Variants in CNN2 observed in about 807,000 individuals in gnomAD.
CNN2 encodes the protein calponin-2.
A neutral mutation model predicts 31.0 loss-of-function variants in CNN2; 21 were observed. The observed-to-expected ratio is 0.68, with a 90% CI of 0.48 to 0.98. The LOEUF (loss-of-function observed/expected upper bound fraction) is 0.98, where lower values mean the gene tolerates loss of function less well. CNN2 is among the 50% of genes least tolerant of loss of function. The pLI is 0.00. For missense variants in CNN2, 399 were observed against 427.3 expected, an observed-to-expected ratio of 0.93 and a Z score of 0.58; for synonymous variants, 165 against 179.6, an observed-to-expected ratio of 0.92 and a Z score of 0.65.
intron 4 of CNN2, among the ~76,000 whole-genome samples, chr19:1,033,674 G>GTA (rs2039538318): frequency 7.6e-6 from 1 of 132,126 alleles, no homozygotes; most frequent in Non-Finnish European, 1.7e-5. Flanking sequence ...TGTAGACCGG[G>GTA]AGCGTGGGTG....
At position 1,037,791 on chromosome 19, in the gene CNN2, G is replaced by A. The variant is rs768158829; in HGVS notation, c.821G>A (p.Cys274Tyr). The A allele has an allele frequency of 1.2e-6, 2 of 1,611,416 alleles. No homozygotes were observed. The highest frequency in any genetic ancestry group is 4.5e-5 in the East Asian group (2 of 44,882). Residue 274 changes from cysteine to tyrosine, a missense_variant, in exon 7 of 7, where the codon TGC (cysteine) becomes TAC (tyrosine). Cys to Tyr is a radical substitution (Grantham distance 194). Coordinates refer to ENST00000263097, the MANE Select transcript of CNN2 (RefSeq NM_004368.4). The stretch of plus-strand genomic sequence containing the variant: ...CGGCAGATATATGACCCCAAGTACT[G>A]CCCGCAAGGCACAGTGGCCGATGGG... ...LGRQIYDPKY[C>Y]PQGTVADGAP... is the part of the protein sequence containing the mutation.
Position 1,038,287 on chromosome 19 carries a change from AG to A in CNN2, c.*389del, listed in dbSNP as rs550343260. 38 of 196,032 alleles carry A rather than the reference AG, an allele frequency of 1.9e-4. No individual in the cohort carries two copies. The East Asian group carries it at 4.2e-3, about 22-fold the overall frequency. The allele number at this position is 196,032 out of a possible 1,614,324, so 12.1% of individuals were successfully genotyped here. A position where few individuals can be genotyped will look rare whatever the true frequency, so the allele number is the denominator to read the frequency against. On this transcript the variant is annotated 3_prime_UTR_variant, in exon 7 of 7. Coordinates refer to ENST00000263097, the MANE Select transcript of CNN2 (RefSeq NM_004368.4). ...TGTGGTTTCTATGCCCGCAAGTTTC[AG>A]GAAGTATTCACAAAAGAAAAATACA... is the stretch of plus-strand genomic sequence containing the variant.
chr19:1,027,042 C>G (rs867336157), intron 1 of CNN2: 56 of 295,770 alleles, frequency 1.9e-4, no homozygotes, highest in African/African-American at 1.1e-3. Context: ...AAGCCCCTGG[C>G]GCCCACTCAA....
At chr19:1,036,369 G>A (rs1249649600) in intron 5 of CNN2, 47 bp from the exon 6 acceptor site, 1 of 1,600,530 alleles carries the variant, frequency 6.2e-7, no homozygotes, top group Non-Finnish European at 8.5e-7. Context: ...GGAGGGACCG[G>A]AAGCTTGTTG....
intron 1 of CNN2, 45 bp downstream of exon 1, chr19:1,026,769 C>T: frequency 1.3e-6 from 2 of 1,531,210 alleles, no homozygotes; most frequent in Non-Finnish European, 1.8e-6. Flanking sequence ...GCGGCCGTCG[C>T]ACGCTCCGAC....
At position 1,032,334 on chromosome 19, in the gene CNN2, C is replaced by G. The variant is rs777261130; in HGVS notation, c.186-58C>G. The G allele has an allele frequency of 1.2e-4, 189 of 1,601,544 alleles. 1 individual carries two copies. The highest frequency in any genetic ancestry group is 1.4e-4 in the Non-Finnish European group (169 of 1,171,272). ...GGCTGAGATCAGCATCGGGTCTTCA[C>G]GGTTCCTCGCTGCTCACAGAGGTTT... On this transcript the variant is annotated intron_variant, in intron 2 of 6. Transcript: ENST00000263097.
rs767645888 is a variant in CNN2 at position 1,037,846 on chromosome 19, C to T, written c.876C>T (p.Asp292=). 2 of 1,605,494 alleles carry T rather than the reference C, an allele frequency of 1.2e-6. No individual in the cohort carries two copies. Among genetic ancestry groups the T allele is most frequent in the South Asian group, 2.2e-5 (2 of 90,870 alleles). Residue 292 remains aspartate, a synonymous_variant, in exon 7 of 7, where the codon GAC becomes GAT. Transcript: ENST00000263097. ...GAPSGTGDCP[D]PGEVPEYPPY... ...CCTCGGGCACCGGCGACTGCCCGGA[C>T]CCGGGGGAGGTCCCTGAATATCCCC...
At chr19:1,035,769 A>G (rs890048743) in intron 4 of CNN2, among the ~76,000 whole-genome samples, 2 of 152,100 alleles carry the variant, frequency 1.3e-5, no homozygotes, top group African/African-American at 4.8e-5. Context: ...TAAAAATACA[A>G]AAATTAGCCT....
At chr19:1,030,486 C>G (rs2039470403) in intron 1 of CNN2, among the ~76,000 whole-genome samples, 1 of 152,038 alleles carries the variant, frequency 6.6e-6, no homozygotes, top group South Asian at 2.1e-4. Context: ...ATGAGCTGGG[C>G]CTGGTGGCGG....
At chr19:1,037,499 T>C (rs2039609246) in intron 6 of CNN2, 126 bp from the exon 7 acceptor site, 8 of 1,204,542 alleles carry the variant, frequency 6.6e-6, no homozygotes, top group Non-Finnish European at 7.1e-6. Context: ...CTGGAACTCC[T>C]GACCTCAGGT....
intron 2 of CNN2, 99 bp downstream of exon 2, chr19:1,031,291 G>A: frequency 1.1e-6 from 1 of 942,804 alleles, no homozygotes; most frequent in Non-Finnish European, 1.4e-6. Context: ...GCCGGGCATG[G>A]CCTGGCTCAT....
chr19:1,028,891 T>TG (rs1362105897), intron 1 of CNN2, among the ~76,000 whole-genome samples: 1 of 151,694 alleles, frequency 6.6e-6, no homozygotes, highest in African/African-American at 2.4e-5. Flanking sequence ...CCAAGCTGGG[T>TG]GGGCTGTGAG....
At chr19:1,032,246 A>AT in intron 2 of CNN2, 146 bp from the exon 3 acceptor site, 2 of 960,394 alleles carry the variant, frequency 2.1e-6, no homozygotes, top group Non-Finnish European at 3.1e-6. Context: ...AAAAAAAAAA[A>AT]AAAAAGAGTG....
At chr19:1,032,153 T>G (rs2144621562) in intron 2 of CNN2, among the ~76,000 whole-genome samples, 1 of 150,606 alleles carries the variant, frequency 6.6e-6, no homozygotes, top group East Asian at 2.0e-4. Flanking sequence ...GAGAATCACT[T>G]GAACCCGGGA....
At chr19:1,026,958 T>C (rs1299415089) in intron 1 of CNN2, 10 of 446,186 alleles carry the variant, frequency 2.2e-5, no homozygotes, top group East Asian at 4.3e-5. Context: ...AGTGACCCAT[T>C]CCCCCCCCCA....
intron 6 of CNN2, chr19:1,037,409 A>T (rs1274367468): frequency 5.2e-6 from 3 of 573,556 alleles, no homozygotes; most frequent in Non-Finnish European, 9.2e-6. Flanking sequence ...AGTAGCTGGG[A>T]TTACAGGCAT....
chr19:1,035,853 A>T (rs1022835799), intron 4 of CNN2, among the ~76,000 whole-genome samples: 5 of 152,002 alleles, frequency 3.3e-5, no homozygotes, highest in African/African-American at 4.8e-5. Context: ...ACCTGGGAGG[A>T]GGGGGTTGCA....
At chr19:1,033,578 TGA>T (rs2039534670) in intron 4 of CNN2, among the ~76,000 whole-genome samples, 1 of 152,230 alleles carries the variant, frequency 6.6e-6, no homozygotes, top group East Asian at 1.9e-4. Flanking sequence ...AGACGAATGT[TGA>T]GTGTCTAGTG....
In CNN2 at chr19:1,037,635, C is replaced by T. The variant is rs534563537; in HGVS notation, c.665C>T (p.Thr222Met). The T allele has an allele frequency of 1.9e-5, 31 of 1,610,994 alleles. No homozygotes were observed. The highest frequency in any genetic ancestry group is 6.7e-5 in the African/African-American group (5 of 75,006). The change falls in exon 7 of 7, where the codon ACG (threonine) becomes ATG (methionine). Residue 222 changes from threonine to methionine, a missense_variant. Transcript: ENST00000263097. ...TNKCASQVGM[T>M]APGTRRHIYD... is the part of the protein sequence containing the mutation. ...CTCCTTCCTCTCCAGGTGGGCATGA[C>T]GGCTCCCGGGACCCGGCGGCACATC... is the stretch of plus-strand genomic sequence containing the variant.
Sources: gnomAD v4.1 joint callset for allele counts (sites outside exome capture counted in the v4.1 genomes callset) on GRCh38, gnomAD v4.1.1 for gene constraint, MANE v1.5 for transcripts, NCBI Gene and HGNC (gene_info 2026-07-23, HGNC 2026-07-21) for gene names.